Variants in TTC23L observed in about 807,000 individuals in gnomAD.
TTC23L encodes tetratricopeptide repeat protein 23-like.
In TTC23L, 42 loss-of-function variants were observed where a neutral mutation model predicts 48.1. The observed-to-expected ratio is 0.87, with a 90% CI of 0.68 to 1.13. The LOEUF is 1.13. Ranked by LOEUF, TTC23L falls within the 50% of genes most tolerant of loss-of-function variation. The pLI, the probability that TTC23L is intolerant of heterozygous loss-of-function variation, is 0.00. For synonymous variants in TTC23L, 159 were observed against 157.2 expected (o/e 1.01, Z -0.09); for missense variants, 391 against 421.0 (o/e 0.93, Z 0.62).
intron 8 of TTC23L, among the ~76,000 whole-genome samples, chr5:34,873,478 T>C (rs1016213510): frequency 2.6e-5 from 4 of 152,170 alleles, no homozygotes; most frequent in African/African-American, 9.7e-5. Context: ...AATTGCAATG[T>C]TATCACCACG....
At chr5:34,917,957 G>C in the TTC23L span, 1 of 153,358 alleles carries the variant, frequency 6.5e-6, no homozygotes. Context: ...ATGTTGGTGA[G>C]AGATGAAATT....
chr5:34,880,207 A>T (rs1762129288), exon 9 of TTC23L: 1 of 1,611,616 alleles, frequency 6.2e-7, no homozygotes, highest in Non-Finnish European at 8.5e-7. Context: ...TTTCATAAGA[A>T]GTATCAATGC....
chr5:34,846,620 C>G lies in TTC23L; in HGVS notation c.255+947C>G, dbSNP rs1405372379. Among the ~76,000 whole-genome samples the G allele has an allele frequency of 4.6e-4, 63 of 136,460 alleles. 1 individual carries two copies. Among genetic ancestry groups the G allele is most frequent in the African/African-American group, 1.8e-3 (63 of 35,744 alleles). The allele number at this position is 136,460 out of a possible 152,430, so 89.5% of individuals were successfully genotyped here. A position where few individuals can be genotyped will look rare whatever the true frequency, so the allele number is the denominator to read the frequency against. ...ATATATACACACACATATATATACACACACATATACATATATACGTATATA... is the reference window on the plus strand; with the variant it reads ...ATATATACACACACATATATATACAGACACATATACATATATACGTATATA... On this transcript the variant is annotated intron_variant, in intron 3 of 10. Coordinates refer to ENST00000505624, the Ensembl canonical transcript of TTC23L.
intron 8 of TTC23L, among the ~76,000 whole-genome samples, chr5:34,877,623 C>A (rs1433494359): frequency 6.6e-6 from 1 of 151,980 alleles, no homozygotes; most frequent in African/African-American, 2.4e-5. Flanking sequence ...GGGGTTTCAC[C>A]ATGTTGGCCA....
the TTC23L span, chr5:34,925,012 C>A: frequency 6.3e-7 from 1 of 1,589,764 alleles, no homozygotes; most frequent in East Asian, 2.2e-5. Flanking sequence ...TTCAATGTAC[C>A]AGAACCCTTT....
intron 9 of TTC23L, among the ~76,000 whole-genome samples, chr5:34,892,294 G>A (rs1361343757): frequency 6.6e-6 from 1 of 152,138 alleles, no homozygotes; most frequent in Non-Finnish European, 1.5e-5. Flanking sequence ...TGAAGCCTCT[G>A]CAAAAAAGCT....
At chr5:34,908,697 G>A in the TTC23L span, 4 of 1,357,838 alleles carry the variant, frequency 2.9e-6, no homozygotes, top group Non-Finnish European at 4.0e-6. Context: ...ATGACAAAGA[G>A]TACTGTACTC....
chr5:34,849,492 G>A (rs1381583068), intron 3 of TTC23L, among the ~76,000 whole-genome samples: 1 of 152,114 alleles, frequency 6.6e-6, no homozygotes, highest in African/African-American at 2.4e-5. Flanking sequence ...TAATTCGTAA[G>A]AAAAAGAACT....
chr5:34,913,546 T>C, the TTC23L span: 2 of 1,600,550 alleles, frequency 1.2e-6, no homozygotes, highest in Non-Finnish European at 1.7e-6. Flanking sequence ...TAACAGACTC[T>C]TCCTGAACTT....
chr5:34,906,223 C>T, the TTC23L span: 1 of 152,148 alleles, frequency 6.6e-6, no homozygotes, highest in Non-Finnish European at 1.5e-5. Flanking sequence ...TCCCAAAATG[C>T]TGGGATTACA....
intron 9 of TTC23L, among the ~76,000 whole-genome samples, chr5:34,886,374 A>C (rs912504851): frequency 2.6e-5 from 4 of 151,770 alleles, no homozygotes; most frequent in South Asian, 2.1e-4. Context: ...AAAAAAAAAA[A>C]AAAAAAAAAC....
chr5:34,922,924 G>A, the TTC23L span: 18 of 1,267,724 alleles, frequency 1.4e-5, no homozygotes, highest in Admixed American at 3.8e-5. Flanking sequence ...TTATAGCCAA[G>A]TTATAGAAAC....
At chr5:34,890,559 A>G (rs1762805674) in intron 9 of TTC23L, among the ~76,000 whole-genome samples, 1 of 152,102 alleles carries the variant, frequency 6.6e-6, no homozygotes, top group East Asian at 1.9e-4. Context: ...AATGTAATAC[A>G]GATTCTGACT....
At chr5:34,901,688 G>A (rs1763515067), downstream of TTC23L, among the ~76,000 whole-genome samples, 1 of 152,156 alleles carries the variant, frequency 6.6e-6, no homozygotes, top group East Asian at 1.9e-4. Context: ...CTTGAACCTG[G>A]GAGGTGGAGG....
At chr5:34,846,659 A>ATGTGTGTGTGTGTG (rs533382588) in intron 3 of TTC23L, among the ~76,000 whole-genome samples, 1 of 69,160 alleles carries the variant, frequency 1.4e-5, no homozygotes, top group Non-Finnish European at 3.4e-5. Flanking sequence ...AAATACATAT[A>ATGTGTGTGTGTGTG]TGTGTGTATG....
At chr5:34,924,851 TAGA>T in the TTC23L span, 2 of 1,597,346 alleles carry the variant, frequency 1.3e-6, no homozygotes, top group African/African-American at 1.3e-5. Flanking sequence ...TTAAAGATCA[TAGA>T]AGAAGATGCT....
At chr5:34,904,720 A>G in the TTC23L span, among the ~76,000 whole-genome samples, 1 of 152,198 alleles carries the variant, frequency 6.6e-6, no homozygotes, top group South Asian at 2.1e-4. Context: ...TATTCCAGAA[A>G]TAGTACTGTC....
exon 4 of TTC23L, chr5:34,850,197 A>T (rs771889485): frequency 6.2e-7 from 1 of 1,613,886 alleles, no homozygotes; most frequent in Non-Finnish European, 8.5e-7. Flanking sequence ...TACTCAAGCA[A>T]ACAAGGAGCT....
chr5:34,882,618 T>TACACACACAC (rs146120966), intron 9 of TTC23L, among the ~76,000 whole-genome samples: 2,079 of 140,896 alleles, frequency 0.015, 40 homozygotes, highest in Admixed American at 0.046. Flanking sequence ...TCCCATGGAC[T>TACACACACAC]ACACACACAC....
Sources: allele counts gnomAD v4.1 joint callset (sites outside exome capture counted in the v4.1 genomes callset), GRCh38; gene constraint gnomAD v4.1.1; transcripts MANE v1.5; gene names NCBI Gene and HGNC (gene_info 2026-07-23, HGNC 2026-07-21).